Variants in GRID2 observed in about 807,000 individuals in gnomAD.
GRID2 encodes glutamate ionotropic receptor delta type subunit 2, also known as glutamate receptor ionotropic, delta-2.
Under a neutral mutation model 114.8 loss-of-function variants are expected in GRID2, and 33 were observed. That is an observed-to-expected ratio of 0.29 (90% CI 0.22 to 0.38). GRID2 has a LOEUF of 0.38. GRID2 is among the 10% of genes least tolerant of loss of function. GRID2 has a pLI of 1.00. For synonymous variants in GRID2, 505 were observed against 449.9 expected (o/e 1.12, Z -1.55); for missense variants, 1,184 against 1,257.7 (o/e 0.94, Z 0.89).
chr4:92,625,865 G>C (rs1730497463), intron 2 of GRID2, among the ~76,000 whole-genome samples: 3 of 151,820 alleles, frequency 2.0e-5, no homozygotes, highest in Admixed American at 1.3e-4. Flanking sequence ...ATAGATAATT[G>C]ATAATACCTA....
intron 4 of GRID2, among the ~76,000 whole-genome samples, chr4:93,144,811 C>A (rs897662013): frequency 6.6e-6 from 1 of 151,978 alleles, no homozygotes; most frequent in African/African-American, 2.4e-5. Flanking sequence ...GCTTTGTGCC[C>A]AATAAAAGTC....
chr4:92,675,651 T>C (rs751408950), intron 2 of GRID2, among the ~76,000 whole-genome samples: 2 of 151,256 alleles, frequency 1.3e-5, no homozygotes, highest in African/African-American at 2.4e-5. Context: ...CCCAGGGTCA[T>C]GCAATTCTCC....
chr4:92,808,552 G>A (rs1015326721), intron 2 of GRID2, among the ~76,000 whole-genome samples: 9 of 151,906 alleles, frequency 5.9e-5, no homozygotes, highest in African/African-American at 1.7e-4. Flanking sequence ...CTTCCATTTC[G>A]GAAGAAACTT....
chr4:93,472,557 G>C, intron 11 of GRID2, among the ~76,000 whole-genome samples: 1 of 152,216 alleles, frequency 6.6e-6, no homozygotes, highest in East Asian at 1.9e-4. Flanking sequence ...AAACTTATCA[G>C]ATAAAAATAA....
At chr4:92,496,251 T>C (rs1182935805) in intron 1 of GRID2, among the ~76,000 whole-genome samples, 1 of 151,900 alleles carries the variant, frequency 6.6e-6, no homozygotes, top group Non-Finnish European at 1.5e-5. Context: ...CACACTCTCC[T>C]TTACCTTGTA....
At chr4:93,012,241 A>G (rs1285053247) in intron 2 of GRID2, among the ~76,000 whole-genome samples, 1 of 151,910 alleles carries the variant, frequency 6.6e-6, no homozygotes, top group Non-Finnish European at 1.5e-5. Context: ...TTATTTTTGC[A>G]CTTCCCTCTT....
At chr4:92,664,032 A>G (rs1385830409) in intron 2 of GRID2, among the ~76,000 whole-genome samples, 3 of 150,740 alleles carry the variant, frequency 2.0e-5, no homozygotes, top group Non-Finnish European at 4.5e-5. Flanking sequence ...TCTAACGTTT[A>G]TTATTTCCTT....
At chr4:93,048,053 A>G (rs1018927403) in intron 2 of GRID2, among the ~76,000 whole-genome samples, 1 of 152,074 alleles carries the variant, frequency 6.6e-6, no homozygotes, top group Non-Finnish European at 1.5e-5. Flanking sequence ...CCCATAGGCT[A>G]ACAGGTCAAA....
In GRID2 at chr4:93,705,761, C is replaced by T. The variant is rs546378971; in HGVS notation, c.2361-63449C>T. ...ATTATTCATAAAATCTTTGTGCAGACCAATGTTATAGAGTTTTTCCAGTGT... is the reference window on the plus strand; with the variant it reads ...ATTATTCATAAAATCTTTGTGCAGATCAATGTTATAGAGTTTTTCCAGTGT... On this transcript the variant is annotated intron_variant, in intron 14 of 15. Transcript: ENST00000282020. Among the ~76,000 whole-genome samples the T allele has an allele frequency of 1.4e-4, 22 of 152,190 alleles. 1 individual carries two copies. In the South Asian group the frequency reaches 4.6e-3, roughly 32 times the overall value.
At chr4:92,390,125 C>T (rs1730169581) in intron 1 of GRID2, among the ~76,000 whole-genome samples, 1 of 152,004 alleles carries the variant, frequency 6.6e-6, no homozygotes, top group African/African-American at 2.4e-5. Context: ...TACAGCATGA[C>T]TGTTTAGCTA....
rs562612095 is a variant in GRID2, at chr4:93,605,750, GC to G, written c.2194-20517del. ...CTAGCATGAAAAGCATGCAGTTCCA[GC>G]CTACCAGAAGTTTACAGTTACATGG... is the stretch of plus-strand genomic sequence containing the variant. On this transcript the variant is annotated intron_variant, in intron 13 of 15. Transcript: ENST00000282020. Among the ~76,000 whole-genome samples the G allele has an allele frequency of 2.0e-4, 31 of 152,306 alleles. 1 individual carries two copies. In the South Asian group the frequency reaches 6.0e-3, roughly 30 times the overall value.
intron 2 of GRID2, among the ~76,000 whole-genome samples, chr4:93,031,931 G>T (rs1273822067): frequency 6.6e-6 from 1 of 152,086 alleles, no homozygotes; most frequent in Non-Finnish European, 1.5e-5. Context: ...TTTGCCAGCA[G>T]ATTCTGTGTA....
intron 13 of GRID2, among the ~76,000 whole-genome samples, chr4:93,552,321 A>G (rs756692948): frequency 9.2e-5 from 14 of 152,220 alleles, no homozygotes; most frequent in Non-Finnish European, 2.1e-4. Flanking sequence ...GCTATTGTGA[A>G]TCGTGCTGCA....
intron 14 of GRID2, among the ~76,000 whole-genome samples, chr4:93,739,876 A>G (rs533396501): frequency 6.6e-6 from 1 of 152,302 alleles, no homozygotes; most frequent in South Asian, 2.1e-4. Flanking sequence ...GGCCAGTCTC[A>G]TATCTACTGT....
At chr4:93,168,690 T>A (rs1738498486) in intron 4 of GRID2, among the ~76,000 whole-genome samples, 1 of 152,100 alleles carries the variant, frequency 6.6e-6, no homozygotes, top group South Asian at 2.1e-4. Context: ...CAACTTAAGA[T>A]CTTACAGAAA....
chr4:93,585,660 C>A (rs150637424), intron 13 of GRID2, among the ~76,000 whole-genome samples: 237 of 152,088 alleles, frequency 1.6e-3, no homozygotes, highest in African/African-American at 5.4e-3. Flanking sequence ...TTTGCTCTTG[C>A]CTCAATTTTA....
At chr4:92,399,978 C>G (rs897869473) in intron 1 of GRID2, among the ~76,000 whole-genome samples, 5 of 151,972 alleles carry the variant, frequency 3.3e-5, no homozygotes, top group African/African-American at 7.2e-5. Flanking sequence ...AAAGATAAGT[C>G]TTAACTATTT....
chr4:92,759,245 G>T (rs1271292483), intron 2 of GRID2, among the ~76,000 whole-genome samples: 1 of 152,120 alleles, frequency 6.6e-6, no homozygotes, highest in Non-Finnish European at 1.5e-5. Flanking sequence ...CTCCAATAAA[G>T]TCTGGGTTTT....
intron 2 of GRID2, among the ~76,000 whole-genome samples, chr4:92,680,480 T>C (rs1733598729): frequency 6.6e-6 from 1 of 152,080 alleles, no homozygotes; most frequent in African/African-American, 2.4e-5. Context: ...ATGATATATT[T>C]TTAAAAGAGG....
Sources: gnomAD v4.1 joint callset for allele counts (sites outside exome capture counted in the v4.1 genomes callset) on GRCh38, gnomAD v4.1.1 for gene constraint, MANE v1.5 for transcripts, NCBI Gene and HGNC (gene_info 2026-07-23, HGNC 2026-07-21) for gene names.